The following GRB7 variants were observed in gnomAD, a reference collection of about 807,000 sequenced individuals.
GRB7 encodes growth factor receptor bound protein 7, also known as growth factor receptor-bound protein 7.
GRB7 carries 47 observed loss-of-function variants against 64.1 expected under a neutral mutation model. The observed-to-expected ratio is 0.73, with a 90% CI of 0.58 to 0.94. The LOEUF is 0.94. GRB7 is among the 40% of genes least tolerant of loss of function. The pLI, the probability that GRB7 is intolerant of heterozygous loss-of-function variation, is 0.00. For synonymous variants in GRB7, 277 were observed against 279.9 expected, an observed-to-expected ratio of 0.99 and a Z score of 0.10; for missense variants, 634 against 718.4, an observed-to-expected ratio of 0.88 and a Z score of 1.34.
chr17:39,744,820 T>A (rs2060029282), intron 8 of GRB7, 66 bp from the exon 9 acceptor site: 2 of 1,421,304 alleles, frequency 1.4e-6, no homozygotes, highest in Admixed American at 3.4e-5. Context: ...CTCTGCTATG[T>A]GGAGCAGGGG....
chr17:39,743,680 AAACC>A, intron 6 of GRB7: 1 of 606,890 alleles, frequency 1.6e-6, no homozygotes, highest in Non-Finnish European at 2.9e-6. Context: ...TTCCTTGTAA[AAACC>A]TGAGGGTGGG....
rs758679638 is a variant in GRB7 at position 39,745,475 on chromosome 17, G to C, written c.1146G>C (p.Gly382=). The C allele has an allele frequency of 3.7e-6, 6 of 1,614,096 alleles. No individual in the cohort carries two copies. Among genetic ancestry groups the C allele is most frequent in the Non-Finnish European group, 5.1e-6 (6 of 1,180,028 alleles). Residue 382 remains glycine, a synonymous_variant, in exon 11 of 15, where the codon GGG becomes GGC. Transcript: ENST00000309156. ...LVAMDFSGHA[G]RVIENPREAL... is the part of the protein sequence containing the mutation. Reference sequence around the variant, plus strand: ...CCATGGACTTCTCTGGCCATGCTGGGCGTGTCATTGAGAACCCCCGGGAGG... The same window carrying C: ...CCATGGACTTCTCTGGCCATGCTGGCCGTGTCATTGAGAACCCCCGGGAGG...
chr17:39,742,823 G>A (rs2060008013), intron 3 of GRB7, 75 bp from the exon 4 acceptor site: 1 of 1,530,340 alleles, frequency 6.5e-7, no homozygotes. Flanking sequence ...GAGTCCCTGA[G>A]GGTCTAGCAG....
intron 3 of GRB7, 55 bp from the exon 4 acceptor site, chr17:39,742,843 G>A (rs1031146665): frequency 1.0e-5 from 16 of 1,540,676 alleles, no homozygotes; most frequent in African/African-American, 1.4e-5. Context: ...GGTGCGGAAA[G>A]GGAATGAATC....
Position 39,746,750 on chromosome 17 carries a change from G to A in GRB7, c.1453-1G>A. ...CTTCCACCCCCTTTACTGTACCCCA[G>A]AGCGAGGAGGAGGGCCGCCTGTACT... is the stretch of plus-strand genomic sequence containing the variant. On this transcript the variant is annotated splice_acceptor_variant, in intron 14 of 14. Coordinates refer to ENST00000309156, the MANE Select transcript of GRB7 (RefSeq NM_005310.5). LOFTEE classifies it high-confidence loss of function. 2 of 1,613,804 alleles carry A rather than the reference G, an allele frequency of 1.2e-6. No homozygotes were observed. Among genetic ancestry groups the A allele is most frequent in the South Asian group, 2.2e-5 (2 of 91,086 alleles).
intron 8 of GRB7, 72 bp from the exon 9 acceptor site, chr17:39,744,814 G>A: frequency 7.1e-7 from 1 of 1,401,194 alleles, no homozygotes; most frequent in Non-Finnish European, 1.0e-6. Context: ...ATTCAGCTCT[G>A]CTATGTGGAG....
At chr17:39,745,595 T>C in intron 11 of GRB7, 57 bp downstream of exon 11, 2 of 1,562,664 alleles carry the variant, frequency 1.3e-6, no homozygotes, top group South Asian at 2.2e-5. Context: ...CTGGGTGGGA[T>C]CCCTGAAATA....
Position 39,743,310 on chromosome 17 carries a change from A to C in GRB7, c.585+9A>C, listed in dbSNP as rs1448150014. On this transcript the variant is annotated intron_variant, in intron 5 of 14. Transcript: ENST00000309156. ...TGTTCAAGAGCTCCCCAGTGAGTGC[A>C]TGAGGGCTGTCTGGGCGCTGGGATG... The C allele has an allele frequency of 2.5e-6, 4 of 1,614,076 alleles. No individual in the cohort carries two copies. The highest frequency in any genetic ancestry group is 2.7e-5 in the African/African-American group (2 of 74,930).
At chr17:39,745,656 C>T (rs1365880378) in intron 11 of GRB7, 72 bp from the exon 12 acceptor site, 2 of 1,578,154 alleles carry the variant, frequency 1.3e-6, no homozygotes, top group Admixed American at 1.7e-5. Flanking sequence ...AAGAAGTGCT[C>T]TACCTTCCTG....
intron 1 of GRB7, among the ~76,000 whole-genome samples, chr17:39,739,514 T>TG (rs2059977856): frequency 6.6e-6 from 1 of 152,164 alleles, no homozygotes; most frequent in Admixed American, 6.5e-5. Context: ...CGTGGAGTAC[T>TG]GGGCGGACGG....
intron 1 of GRB7, chr17:39,739,955 G>A: frequency 2.0e-6 from 2 of 981,744 alleles, no homozygotes; most frequent in Non-Finnish European, 1.2e-6. Context: ...GGGCACGGCT[G>A]GGGGGCTCTG....
intron 1 of GRB7, chr17:39,738,961 G>C: frequency 6.5e-7 from 1 of 1,533,262 alleles, no homozygotes; most frequent in Non-Finnish European, 8.7e-7. Context: ...GCATGAAATG[G>C]GCAGGAAGGC....
In GRB7 at chr17:39,744,931, A is replaced by C. The variant is rs1325321218; in HGVS notation, c.958A>C (p.Ser320Arg). Residue 320 changes from serine (S) to arginine (R), a missense_variant, in exon 9 of 15, where the codon AGT becomes CGT. Ser to Arg is a moderately radical substitution (Grantham distance 110, BLOSUM62 -1). Transcript: ENST00000309156. ...CCACAAGGGGCTTCGGATCTTCTGCAGTGAAGATGAGCAGAGCCGCACCTG... is the reference window on the plus strand; with the variant it reads ...CCACAAGGGGCTTCGGATCTTCTGCCGTGAAGATGAGCAGAGCCGCACCTG... ...NGHKGLRIFC[S>R]EDEQSRTCWL... The C allele has an allele frequency of 1.2e-6, 2 of 1,614,070 alleles. No individual in the cohort carries two copies. The highest frequency in any genetic ancestry group is 3.3e-5 in the Admixed American group (2 of 60,032).
At chr17:39,740,730 G>A (rs1416351182) in intron 1 of GRB7, among the ~76,000 whole-genome samples, 7 of 152,222 alleles carry the variant, frequency 4.6e-5, no homozygotes, top group Admixed American at 4.6e-4. Flanking sequence ...TGGGGGAAGG[G>A]TGGAGGCAGG....
chr17:39,741,932 C>T (rs1453109270), intron 1 of GRB7, among the ~76,000 whole-genome samples: 1 of 149,192 alleles, frequency 6.7e-6, no homozygotes, highest in Non-Finnish European at 1.5e-5. Context: ...ATTACTTGAA[C>T]CCAGGAGGTG....
chr17:39,743,011 C>T lies in GRB7; in HGVS notation c.420C>T (p.Asp140=), dbSNP rs747510817. Residue 140 remains aspartate (D), a synonymous_variant, in exon 4 of 15, where the codon GAC becomes GAT. Transcript: ENST00000309156. Reference sequence around the variant, plus strand: ...TGCAGCGAGCTCACGCCTTGAGCGACGAGACCTGGGGGCTGGTGGAGTGCC... The same window carrying T: ...TGCAGCGAGCTCACGCCTTGAGCGATGAGACCTGGGGGCTGGTGGAGTGCC... The part of the protein sequence containing the change: ...MLVQRAHALS[D]ETWGLVECHP... The T allele has an allele frequency of 1.4e-5, 22 of 1,612,092 alleles. No homozygotes were observed. Among genetic ancestry groups the T allele is most frequent in the East Asian group, 2.2e-5 (1 of 44,838 alleles).
At position 39,744,547 on chromosome 17, in the gene GRB7, G is replaced by A. The variant is rs371928955; in HGVS notation, c.802-6G>A. On this transcript the variant is annotated splice_polypyrimidine_tract_variant and splice_region_variant and intron_variant, in intron 7 of 14. Transcript: ENST00000309156. ...GTACCAAGTCCTGCTCACTCATGCT[G>A]CTTAGGATCCGAGGCACCTGCAGTA... 12 of 1,601,202 alleles carry A rather than the reference G, an allele frequency of 7.5e-6. No homozygotes were observed. Among genetic ancestry groups the A allele is most frequent in the Non-Finnish European group, 9.4e-6 (11 of 1,173,914 alleles).
intron 14 of GRB7, 48 bp downstream of exon 14, chr17:39,746,250 C>G (rs769346322): frequency 6.8e-7 from 1 of 1,469,654 alleles, no homozygotes; most frequent in Non-Finnish European, 9.5e-7. Context: ...CACAGGACTC[C>G]CAGCAACCTG....
intron 3 of GRB7, 82 bp from the exon 4 acceptor site, chr17:39,742,816 T>A (rs2143407664): frequency 6.6e-7 from 1 of 1,525,110 alleles, no homozygotes; most frequent in Non-Finnish European, 8.8e-7. Flanking sequence ...TGGTTAGGAG[T>A]CCCTGAGGGT....
Sources: gnomAD v4.1 joint callset for allele counts (sites outside exome capture counted in the v4.1 genomes callset) on GRCh38, gnomAD v4.1.1 for gene constraint, MANE v1.5 for transcripts, NCBI Gene and HGNC (gene_info 2026-07-23, HGNC 2026-07-21) for gene names.